Variants in NUDT9 observed in about 807,000 individuals in gnomAD.
NUDT9 encodes the protein ADP-ribose pyrophosphatase.
NUDT9 carries 31 observed loss-of-function variants against 41.0 expected under a neutral mutation model. The ratio of observed to expected loss-of-function variants is 0.76; its 90% confidence interval spans 0.57 to 1.02. The LOEUF (loss-of-function observed/expected upper bound fraction) is 1.02. NUDT9 is among the 50% of genes least tolerant of loss of function. The pLI, the probability that NUDT9 is intolerant of heterozygous loss-of-function variation, is 0.00. For synonymous variants in NUDT9, 146 were observed against 147.6 expected (o/e 0.99, Z 0.08); for missense variants, 380 against 431.4 (o/e 0.88, Z 1.06).
chr4:87,431,755 G>A (rs930463700), intron 1 of NUDT9, among the ~76,000 whole-genome samples: 7 of 152,060 alleles, frequency 4.6e-5, no homozygotes, highest in Admixed American at 2.6e-4. Context: ...CCTTGATCTC[G>A]GCTTACTGCA....
intron 3 of NUDT9, 94 bp from the exon 4 acceptor site, chr4:87,441,735 C>G (rs1722209578): frequency 2.1e-6 from 2 of 969,200 alleles, no homozygotes; most frequent in Non-Finnish European, 3.3e-6. Context: ...CTTATTCTGT[C>G]TTACTGCTTA....
At chr4:87,452,181 T>G (rs572595949) in intron 6 of NUDT9, among the ~76,000 whole-genome samples, 1 of 152,070 alleles carries the variant, frequency 6.6e-6, no homozygotes, top group Non-Finnish European at 1.5e-5. Context: ...TTTTGTATTT[T>G]TAGTAGAGAC....
intron 7 of NUDT9, among the ~76,000 whole-genome samples, chr4:87,456,116 G>C (rs981005440): frequency 1.1e-4 from 16 of 152,250 alleles, no homozygotes; most frequent in African/African-American, 3.9e-4. Flanking sequence ...ATTTCCTCTA[G>C]TTTTGGGTTT....
intron 4 of NUDT9, among the ~76,000 whole-genome samples, chr4:87,444,518 T>C (rs1452289206): frequency 6.6e-6 from 1 of 152,144 alleles, no homozygotes; most frequent in Non-Finnish European, 1.5e-5. Context: ...CCTCTATGGT[T>C]TAAATGAGAT....
At chr4:87,457,667 G>GA (rs1553966142) in intron 7 of NUDT9, among the ~76,000 whole-genome samples, 176 bp from the exon 8 acceptor site, 1 of 151,828 alleles carries the variant, frequency 6.6e-6, no homozygotes, top group Non-Finnish European at 1.5e-5. Context: ...GAATACTCTA[G>GA]TTTTTTTTCT....
At position 87,422,992 on chromosome 4, in the gene NUDT9, C is replaced by T; in HGVS notation, c.87C>T (p.Cys29=). The T allele has an allele frequency of 6.2e-7, 1 of 1,613,022 alleles. No homozygotes were observed. The highest frequency in any genetic ancestry group is 8.5e-7 in the Non-Finnish European group (1 of 1,179,574). ...LASVTIRSSR[C]RGIQAFRNSF... The stretch of plus-strand genomic sequence containing the variant: ...CTGTGACTATCAGGTCCTCGCGCTG[C>T]CGCGGCATCCAGGCGTTCAGGTATT... Residue 29 remains cysteine, a synonymous_variant, in exon 1 of 8, where the codon TGC becomes TGT. Coordinates refer to ENST00000302174, the MANE Select transcript of NUDT9 (RefSeq NM_024047.5).
intron 6 of NUDT9, among the ~76,000 whole-genome samples, 158 bp downstream of exon 6, chr4:87,451,893 A>G (rs1722729827): frequency 6.6e-6 from 1 of 152,194 alleles, no homozygotes; most frequent in African/African-American, 2.4e-5. Flanking sequence ...TTCACTGTAA[A>G]TAGGTTTCTA....
At chr4:87,431,983 G>A (rs1721707468) in intron 1 of NUDT9, among the ~76,000 whole-genome samples, 1 of 152,188 alleles carries the variant, frequency 6.6e-6, no homozygotes, top group East Asian at 1.9e-4. Flanking sequence ...AGTGCACCCA[G>A]CATGTTAGTG....
intron 2 of NUDT9, among the ~76,000 whole-genome samples, chr4:87,437,398 T>C (rs1285279909): frequency 6.6e-6 from 1 of 152,086 alleles, no homozygotes; most frequent in Non-Finnish European, 1.5e-5. Flanking sequence ...TGGAGTGCAG[T>C]GGCGCCATCT....
At chr4:87,445,489 T>G (rs1722404416) in intron 4 of NUDT9, 1 of 152,162 alleles carries the variant, frequency 6.6e-6, no homozygotes, top group Non-Finnish European at 1.5e-5. Context: ...CCCAGGCATC[T>G]CTCCTAGAGA....
Position 87,434,994 on chromosome 4 carries a change from T to C in NUDT9, c.121T>C (p.Ser41Pro), listed in dbSNP as rs777504962. Reference sequence around the variant, plus strand: ...TTTCTCCCCCAGAAACTCGTTTTCATCTTCTTGGTTTCATCTTAATACCAA... The same window carrying C: ...TTTCTCCCCCAGAAACTCGTTTTCACCTTCTTGGTTTCATCTTAATACCAA... ...GIQAFRNSFSSSWFHLNTNVM... is the reference protein window; with the variant it reads ...GIQAFRNSFSPSWFHLNTNVM... The change falls in exon 2 of 8, where the codon TCT (serine) becomes CCT (proline). Residue 41 changes from serine (S) to proline (P), a missense_variant. By Grantham distance (74) the Ser-to-Pro change is moderately conservative. Coordinates refer to ENST00000302174, the MANE Select transcript of NUDT9 (RefSeq NM_024047.5). 1 of 1,607,432 alleles carries C rather than the reference T, an allele frequency of 6.2e-7. No homozygotes were observed.
chr4:87,432,470 C>G (rs776928086), intron 1 of NUDT9, among the ~76,000 whole-genome samples: 5 of 152,042 alleles, frequency 3.3e-5, no homozygotes, highest in Admixed American at 6.6e-5. Context: ...ATGTGGATAC[C>G]TTTTCCTTTT....
chr4:87,438,192 A>G (rs900445770), intron 2 of NUDT9, 85 bp from the exon 3 acceptor site: 2 of 651,274 alleles, frequency 3.1e-6, no homozygotes, highest in South Asian at 2.1e-5. Flanking sequence ...AATACTTCTT[A>G]TGGATAACAG....
Position 87,422,875 on chromosome 4 carries a change from C to T in NUDT9, c.-31C>T, listed in dbSNP as rs761285514. 4.4e-6 allele frequency: 7 copies of T among 1,578,190 alleles called. No homozygotes were observed. The Admixed American group carries it at 6.7e-5, about 15-fold the overall frequency. ...GGCGGAGGCACCAACTAAGAGCGAC[C>T]TAGCATCGCAAAGCCGCCCTCGGGG... On this transcript the variant is annotated 5_prime_UTR_variant, in exon 1 of 8. Transcript: ENST00000302174.
chr4:87,445,836 A>G (rs1380131979), intron 4 of NUDT9, among the ~76,000 whole-genome samples: 6 of 152,198 alleles, frequency 3.9e-5, no homozygotes, highest in African/African-American at 1.4e-4. Context: ...TACTCTGCTT[A>G]AAATCCATAC....
At chr4:87,448,500 T>C (rs960134081) in intron 4 of NUDT9, among the ~76,000 whole-genome samples, 2 of 151,912 alleles carry the variant, frequency 1.3e-5, no homozygotes, top group African/African-American at 4.8e-5. Flanking sequence ...TTCTTATTTT[T>C]AGATAGGCCC....
rs761147114 is a variant in NUDT9, at chr4:87,435,024, A to T, written c.151A>T (p.Met51Leu). The T allele has an allele frequency of 2.3e-5, 37 of 1,613,774 alleles. No homozygotes were observed. Among genetic ancestry groups the T allele is most frequent in the Non-Finnish European group, 3.0e-5 (35 of 1,179,850 alleles). The change falls in exon 2 of 8, where the codon ATG becomes TTG. Residue 51 changes from methionine to leucine, a missense_variant. Met to Leu is a conservative substitution (Grantham distance 15). Coordinates refer to ENST00000302174, the MANE Select transcript of NUDT9 (RefSeq NM_024047.5). ...TTGGTTTCATCTTAATACCAACGTC[A>T]TGTCTGGTTCTAATGGTTCCAAAGA... ...SSWFHLNTNV[M>L]SGSNGSKENS...
chr4:87,443,913 G>A (rs72877390), intron 4 of NUDT9, among the ~76,000 whole-genome samples: 10,629 of 152,180 alleles, frequency 0.07, 1,218 homozygotes, highest in African/African-American at 0.24. Context: ...TTCAGAACGG[G>A]GGAGAGGCAT....
intron 4 of NUDT9, among the ~76,000 whole-genome samples, chr4:87,444,386 G>A (rs1019354530): frequency 6.6e-6 from 1 of 151,942 alleles, no homozygotes; most frequent in African/African-American, 2.4e-5. Flanking sequence ...CTGCCAAAAA[G>A]GATCTTTACC....
Sources: gnomAD v4.1 joint callset for allele counts (sites outside exome capture counted in the v4.1 genomes callset) on GRCh38, gnomAD v4.1.1 for gene constraint, MANE v1.5 for transcripts, NCBI Gene and HGNC (gene_info 2026-07-23, HGNC 2026-07-21) for gene names.